Variants in GTF2A1 observed in about 807,000 individuals in gnomAD.
GTF2A1 encodes the protein general transcription factor IIA subunit 1, also known as transcription initiation factor IIA subunit 1.
A neutral mutation model predicts 54.1 loss-of-function variants in GTF2A1; 12 were observed. The observed-to-expected ratio is 0.22, with a 90% CI of 0.14 to 0.36. The LOEUF (loss-of-function observed/expected upper bound fraction) is 0.36. Among genes scored for constraint, GTF2A1 ranks in the 10% least tolerant of loss-of-function variants. The pLI is 1.00. For missense variants in GTF2A1, 335 were observed against 442.2 expected, an observed-to-expected ratio of 0.76 and a Z score of 2.17; for synonymous variants, 145 against 152.0, an observed-to-expected ratio of 0.95 and a Z score of 0.34.
At chr14:81,196,646 G>C (rs143212843) in intron 5 of GTF2A1, among the ~76,000 whole-genome samples, 1 of 152,180 alleles carries the variant, frequency 6.6e-6, no homozygotes. Context: ...TTAATATCTT[G>C]AACCAAACAA....
chr14:81,201,554 T>C (rs1893111329), intron 4 of GTF2A1, 40 bp downstream of exon 4: 1 of 1,204,204 alleles, frequency 8.3e-7, no homozygotes, highest in African/African-American at 1.5e-5. Flanking sequence ...TGGGTTAGAA[T>C]TAAGTACAGC....
At chr14:81,219,793 G>A (rs1893575247) in intron 1 of GTF2A1, among the ~76,000 whole-genome samples, 1 of 152,182 alleles carries the variant, frequency 6.6e-6, no homozygotes, top group Non-Finnish European at 1.5e-5. Flanking sequence ...CGAAAGCGGG[G>A]ACACTTGGAC....
intron 7 of GTF2A1, 58 bp from the exon 8 acceptor site, chr14:81,185,678 A>G: frequency 1.2e-6 from 1 of 866,388 alleles, no homozygotes; most frequent in Non-Finnish European, 1.9e-6. Flanking sequence ...TCACTGAAAA[A>G]AAAAATATAA....
intron 2 of GTF2A1, among the ~76,000 whole-genome samples, chr14:81,207,126 T>TCTACCTACCTACGTAC (rs1420239240): frequency 2.1e-5 from 3 of 141,416 alleles, no homozygotes; most frequent in Non-Finnish European, 4.6e-5. Flanking sequence ...TATCTATCTA[T>TCTACCTACCTACGTAC]CTACCTACCT....
Position 81,218,154 on chromosome 14 carries a change from T to C in GTF2A1, c.31-1640A>G, listed in dbSNP as rs535151556. Among the ~76,000 whole-genome samples, 3 of 152,046 alleles carry C rather than the reference T, an allele frequency of 2.0e-5. No homozygotes were observed. The South Asian group carries it at 6.2e-4, about 32-fold the overall frequency. ...CGTTAGGAGGGCAATGTATTTTAAATTGGGAGTATAAATCTCAAATTGACA... is the reference window on the plus strand; with the variant it reads ...CGTTAGGAGGGCAATGTATTTTAAACTGGGAGTATAAATCTCAAATTGACA... On this transcript the variant is annotated intron_variant, in intron 1 of 8. Transcript: ENST00000553612.
intron 2 of GTF2A1, among the ~76,000 whole-genome samples, chr14:81,205,087 T>C (rs1158835148): frequency 1.3e-5 from 2 of 152,168 alleles, no homozygotes; most frequent in African/African-American, 4.8e-5. Flanking sequence ...AACTTCCCTT[T>C]GCCATACTCA....
At position 81,200,295 on chromosome 14, in the gene GTF2A1, G is replaced by A. The variant is rs376607673; in HGVS notation, c.402+1299C>T. On this transcript the variant is annotated intron_variant, in intron 4 of 8. Transcript: ENST00000553612. The stretch of plus-strand genomic sequence containing the variant: ...GTGATTCAGTATCACTCACAAAGTA[G>A]AACTCATCTTTTCATACACTGCTTT... Among the ~76,000 whole-genome samples, 4 of 152,018 alleles carry A rather than the reference G, an allele frequency of 2.6e-5. 1 individual carries two copies. In the South Asian group the frequency reaches 6.2e-4, roughly 24 times the overall value.
At chr14:81,218,060 C>CT (rs1263462469) in intron 1 of GTF2A1, among the ~76,000 whole-genome samples, 1 of 149,998 alleles carries the variant, frequency 6.7e-6, no homozygotes, top group Non-Finnish European at 1.5e-5. Context: ...CCTAAAGTGA[C>CT]TTAACTGAAT....
At chr14:81,200,286 C>T (rs1893076010) in intron 4 of GTF2A1, among the ~76,000 whole-genome samples, 1 of 152,066 alleles carries the variant, frequency 6.6e-6, no homozygotes, top group Admixed American at 6.6e-5. Flanking sequence ...CAGTATCACT[C>T]ACAAAGTAGA....
intron 4 of GTF2A1, among the ~76,000 whole-genome samples, chr14:81,199,464 C>T (rs1016484806): frequency 6.6e-6 from 1 of 152,138 alleles, no homozygotes; most frequent in Non-Finnish European, 1.5e-5. Flanking sequence ...TATTATCTCA[C>T]GTTTTTATGA....
Position 81,220,658 on chromosome 14 carries a change from C to A in GTF2A1, c.-140G>T. 1.8e-6 allele frequency: 1 copy of A among 564,700 alleles called. No individual in the cohort carries two copies. The highest frequency in any genetic ancestry group is 3.0e-6 in the Non-Finnish European group (1 of 330,990). 35.0% of individuals were successfully genotyped at this position (564,700 alleles called of 1,614,324 possible). On this transcript the variant is annotated 5_prime_UTR_variant, in exon 1 of 9. Transcript: ENST00000553612. ...GGAAAAAATTTTAAACAAAATCAAT[C>A]CTGAAGGAGTAGGGGAGAGCGGAGA...
intron 1 of GTF2A1, 111 bp downstream of exon 1, chr14:81,220,378 G>T: frequency 3.7e-6 from 2 of 539,350 alleles, no homozygotes; most frequent in Non-Finnish European, 5.6e-6. Context: ...GCGGCCGCGC[G>T]GGCGGCTGAA....
intron 6 of GTF2A1, among the ~76,000 whole-genome samples, chr14:81,194,410 G>T (rs1421968141): frequency 6.6e-6 from 1 of 152,218 alleles, no homozygotes; most frequent in Non-Finnish European, 1.5e-5. Context: ...TTGTTTGGGG[G>T]AAGTGCAGGG....
chr14:81,187,198 C>T (rs1892768639), intron 7 of GTF2A1, among the ~76,000 whole-genome samples: 1 of 151,374 alleles, frequency 6.6e-6, no homozygotes, highest in Non-Finnish European at 1.5e-5. Flanking sequence ...ACTAAAAATA[C>T]AAAAAAATTA....
rs1892541394 is a variant in GTF2A1 at position 81,176,948 on chromosome 14, AGGG to A, written c.*3272_*3274del. Reference sequence around the variant, plus strand: ...GAAATTATGTCTGTTTTCCTATACAAGGGGTATTTACCCTCTGATAAGAATGGT... The same window carrying A: ...GAAATTATGTCTGTTTTCCTATACAAGTATTTACCCTCTGATAAGAATGGT... On this transcript the variant is annotated 3_prime_UTR_variant, in exon 9 of 9. Transcript: ENST00000553612. The A allele has an allele frequency of 6.6e-6, 1 of 152,072 alleles. No individual in the cohort carries two copies. The highest frequency in any genetic ancestry group is 2.4e-5 in the African/African-American group (1 of 41,426). The allele number at this position is 152,072 out of a possible 1,614,324, so 9.4% of individuals were successfully genotyped here.
chr14:81,220,735 CT>C lies in GTF2A1; in HGVS notation c.-218del. ...CGCAGCTGAAAACCTCGAGAATCGC[CT>C]TAAAAAAAAAAAAAAAGCCACGACC... On this transcript the variant is annotated 5_prime_UTR_variant, in exon 1 of 9. Transcript: ENST00000553612. 1 of 275,422 alleles carries C rather than the reference CT, an allele frequency of 3.6e-6. No individual in the cohort carries two copies. The highest frequency in any genetic ancestry group is 5.5e-5 in the East Asian group (1 of 18,230). 17.1% of individuals were successfully genotyped at this position (275,422 alleles called of 1,614,324 possible).
intron 2 of GTF2A1, among the ~76,000 whole-genome samples, chr14:81,205,470 T>G (rs1487583845): frequency 6.6e-6 from 1 of 152,236 alleles, no homozygotes; most frequent in Middle Eastern, 3.2e-3. Flanking sequence ...GGTAACAAGA[T>G]CTATCTCACT....
At chr14:81,192,366 A>G (rs2140153815) in intron 7 of GTF2A1, among the ~76,000 whole-genome samples, 153 bp downstream of exon 7, 1 of 152,366 alleles carries the variant, frequency 6.6e-6, no homozygotes, top group East Asian at 1.9e-4. Flanking sequence ...AAACCTTACT[A>G]AAGTTAAAAC....
chr14:81,219,497 G>A (rs1893562650), intron 1 of GTF2A1, among the ~76,000 whole-genome samples: 1 of 152,240 alleles, frequency 6.6e-6, no homozygotes, highest in Admixed American at 6.5e-5. Flanking sequence ...AAAGGGAGGA[G>A]GACCACAAGG....
Sources: allele counts gnomAD v4.1 joint callset (sites outside exome capture counted in the v4.1 genomes callset), GRCh38; gene constraint gnomAD v4.1.1; transcripts MANE v1.5; gene names NCBI Gene and HGNC (gene_info 2026-07-23, HGNC 2026-07-21).